Variants in PLEKHG5 observed in about 807,000 individuals in gnomAD.
PLEKHG5 encodes pleckstrin homology domain-containing family G member 5.
In PLEKHG5, 52 loss-of-function variants were observed where a neutral mutation model predicts 103.8. The ratio of observed to expected loss-of-function variants is 0.50; its 90% confidence interval spans 0.40 to 0.63. PLEKHG5 has a LOEUF of 0.63. Among genes scored for constraint, PLEKHG5 ranks in the 30% least tolerant of loss-of-function variants. The pLI, the probability that PLEKHG5 is intolerant of heterozygous loss-of-function variation, is 0.00. For missense variants in PLEKHG5, 1,205 were observed against 1,347.6 expected, an observed-to-expected ratio of 0.89 and a Z score of 1.66; for synonymous variants, 592 against 575.5, an observed-to-expected ratio of 1.03 and a Z score of -0.41.
intron 1 of PLEKHG5, among the ~76,000 whole-genome samples, chr1:6,483,799 G>C (rs906617112): frequency 6.6e-6 from 1 of 152,258 alleles, no homozygotes; most frequent in African/African-American, 2.4e-5. Flanking sequence ...CCAAGCTTCA[G>C]GTGTCTCCTC....
Position 6,501,798 on chromosome 1 carries a change from C to G in PLEKHG5, c.-164-5229G>C, listed in dbSNP as rs983701368. On this transcript the variant is annotated intron_variant, in intron 1 of 21. Coordinates refer to the PLEKHG5 transcript ENST00000377740. This position sits in a 1 kb window ranked among gnomAD's most constrained non-coding sequence, Gnocchi z 4.3. ...CTGTCTGGAAAACGTGAATTGGTCCCCCCATCATGACATGAGTGTCCCCTT... is the reference window on the plus strand; with the variant it reads ...CTGTCTGGAAAACGTGAATTGGTCCGCCCATCATGACATGAGTGTCCCCTT... Among the ~76,000 whole-genome samples the G allele has an allele frequency of 6.6e-6, 1 of 152,190 alleles. No individual in the cohort carries two copies. Among genetic ancestry groups the G allele is most frequent in the Non-Finnish European group, 1.5e-5 (1 of 68,036 alleles).
At position 6,475,989 on chromosome 1, in the gene PLEKHG5, T is replaced by C. The variant is rs1644755304; in HGVS notation, c.91A>G (p.Thr31Ala). The C allele has an allele frequency of 6.2e-7, 1 of 1,613,816 alleles. No homozygotes were observed. The highest frequency in any genetic ancestry group is 8.5e-7 in the Non-Finnish European group (1 of 1,180,022). ...NVSTRSCPPR[T>A]SPAVDLEEEE... ...TCCTCCAAGTCCACTGCGGGGCTGG[T>C]GCGCGGCGGGCATGACCGGGTGGAC... The change falls in exon 3 of 21, where the codon ACC (threonine) becomes GCC (alanine). Residue 31 changes from threonine to alanine, a missense_variant. Physicochemically the swap from Thr to Ala is moderately conservative, Grantham distance 58 (BLOSUM62 0). Transcript: ENST00000377728.
Position 6,472,551 on chromosome 1 carries a change from G to T in PLEKHG5, c.1056C>A (p.Ile352=). ...WELLHTEASY[I]RKLRVIINLF... is the part of the protein sequence containing the mutation. ...CGTTGATGATCACCCGCAGTTTCCT[G>T]ATGTAGGAGGCCTCCGTGTGCAGCA... The change falls in exon 10 of 21, where the codon ATC becomes ATA. Residue 352 remains isoleucine, a synonymous_variant. Coordinates refer to ENST00000377728, the MANE Select transcript of PLEKHG5 (RefSeq NM_020631.6). 4 of 1,613,394 alleles carry T rather than the reference G, an allele frequency of 2.5e-6. No individual in the cohort carries two copies. Among genetic ancestry groups the T allele is most frequent in the Non-Finnish European group, 3.4e-6 (4 of 1,179,580 alleles).
Position 6,474,479 on chromosome 1 carries a change from C to A in PLEKHG5, c.411G>T (p.Arg137Ser), listed in dbSNP as rs762546636. The change falls in exon 6 of 21, where the codon AGG becomes AGT. Residue 137 changes from arginine (R) to serine (S), a missense_variant. Transcript: ENST00000377728. ...TGACACGAAGGTAGTGTCCCCCGAA[C>A]CTGTAGGCCTCGAAGGTGAGGGACA... Reference protein sequence around the residue: ...TPLSLTFEAYRFGGHYLRVKA... With the variant: ...TPLSLTFEAYSFGGHYLRVKA... The A allele has an allele frequency of 2.8e-5, 45 of 1,613,868 alleles. No homozygotes were observed. The highest frequency in any genetic ancestry group is 3.8e-5 in the Non-Finnish European group (45 of 1,180,030).
chr1:6,485,527 C>T, intron 1 of PLEKHG5: 1 of 1,215,116 alleles, frequency 8.2e-7, no homozygotes, highest in East Asian at 3.3e-5. Context: ...GCCGCGCCCG[C>T]CCCCGCCGAG....
intron 1 of PLEKHG5, chr1:6,485,548 C>A: frequency 9.1e-7 from 1 of 1,103,490 alleles, no homozygotes; most frequent in Non-Finnish European, 1.1e-6. Flanking sequence ...CGCGGGGACC[C>A]CGGGGAGGGC....
chr1:6,511,833 G>C (rs1325991458), intron 1 of PLEKHG5, among the ~76,000 whole-genome samples: 1 of 152,220 alleles, frequency 6.6e-6, no homozygotes, highest in Non-Finnish European at 1.5e-5. Flanking sequence ...GGCCTGAATA[G>C]AGGAAGGGGG....
rs781691343 is a variant in PLEKHG5 at position 6,468,481 on chromosome 1, A to T, written c.2355T>A (p.Asp785Glu). ...FDSGPFSSQS[D>E]ETSLSTTASS... ...AGGCAGTGGTGCTGAGAGAGGTCTC[A>T]TCAGACTGGGAGCTGAAAGGACCGC... Residue 785 changes from aspartate to glutamate, a missense_variant, in exon 20 of 21, where the codon GAT becomes GAA. Physicochemically the swap from Asp to Glu is conservative, Grantham distance 45. Transcript: ENST00000377728. 3 of 1,612,944 alleles carry T rather than the reference A, an allele frequency of 1.9e-6. No homozygotes were observed. Among genetic ancestry groups the T allele is most frequent in the East Asian group, 4.5e-5 (2 of 44,862 alleles).
At position 6,473,472 on chromosome 1, in the gene PLEKHG5, G is replaced by A; in HGVS notation, c.592-18C>T. 1.3e-6 allele frequency: 2 copies of A among 1,507,230 alleles called. No individual in the cohort carries two copies. Among genetic ancestry groups the A allele is most frequent in the Non-Finnish European group, 1.8e-6 (2 of 1,128,656 alleles). The allele number at this position is 1,507,230 out of a possible 1,614,324, so 93.4% of individuals were successfully genotyped here. On this transcript the variant is annotated intron_variant, in intron 7 of 20. Transcript: ENST00000377728. ...CCAGGGGCCTGGTCAGGGAAGGGTGGTCAGGGCCGGGACCCCCTGCCAGCC... is the reference window on the plus strand; with the variant it reads ...CCAGGGGCCTGGTCAGGGAAGGGTGATCAGGGCCGGGACCCCCTGCCAGCC...
chr1:6,477,528 C>T lies in PLEKHG5; in HGVS notation c.43+1G>A, dbSNP rs1440701742. ...GAGCTGCGGCTCCCGCCTGTGCTCA[C>T]CTTGTGGGGGAAGGTCGAAGCGGAC... On this transcript the variant is annotated splice_donor_variant, in intron 2 of 20. Transcript: ENST00000377728. LOFTEE classifies it high-confidence loss of function. 1 of 1,611,546 alleles carries T rather than the reference C, an allele frequency of 6.2e-7. No homozygotes were observed. Among genetic ancestry groups the T allele is most frequent in the Non-Finnish European group, 8.5e-7 (1 of 1,179,962 alleles).
At chr1:6,477,447 C>G in intron 2 of PLEKHG5, 82 bp downstream of exon 2, 1 of 1,383,334 alleles carries the variant, frequency 7.2e-7, no homozygotes, top group Non-Finnish European at 1.0e-6. Context: ...GTCCTTATGA[C>G]GCCCTAGCAC....
intron 4 of PLEKHG5, 134 bp from the exon 5 acceptor site, chr1:6,475,272 TCCTCCCCAC>T (rs1219921437): frequency 3.2e-5 from 15 of 466,866 alleles, no homozygotes; most frequent in African/African-American, 6.0e-5. Flanking sequence ...TTCCCAACCC[TCCTCCCCAC>T]CCTCCCCACC....
chr1:6,495,874 C>T (rs1371187387), upstream of PLEKHG5, among the ~76,000 whole-genome samples: 36 of 152,332 alleles, frequency 2.4e-4, no homozygotes, highest in Non-Finnish European at 5.9e-5. Flanking sequence ...GCACAGAAAG[C>T]GGGTGGCACT....
chr1:6,516,204 T>C lies in PLEKHG5; in HGVS notation c.-165+3241A>G, dbSNP rs139821273. Among the ~76,000 whole-genome samples the C allele has an allele frequency of 5.3e-4, 81 of 152,276 alleles. 1 individual carries two copies. The highest frequency in any genetic ancestry group is 1.8e-3 in the African/African-American group (76 of 41,554). ...CAGGAGGCTGAGGCAGGAGGATTGC[T>C]TGAGCCCAGGACTTTCAGAGACCAG... On this transcript the variant is annotated intron_variant, in intron 1 of 21. Transcript: ENST00000377740.
In PLEKHG5 at chr1:6,489,963, G is replaced by A. The variant is rs1645116379; in HGVS notation, c.-88+1674C>T. On this transcript the variant is annotated intron_variant, in intron 1 of 20. Coordinates refer to ENST00000377728, the MANE Select transcript of PLEKHG5 (RefSeq NM_020631.6). Reference sequence around the variant, plus strand: ...ACCAAGGCAGGCCAGGGCCTCCCCGGATTCACGGGTCTCCCGCATCCCCCA... The same window carrying A: ...ACCAAGGCAGGCCAGGGCCTCCCCGAATTCACGGGTCTCCCGCATCCCCCA... Among the ~76,000 whole-genome samples the A allele has an allele frequency of 2.0e-5, 3 of 152,328 alleles. No individual in the cohort carries two copies. The South Asian group carries it at 6.2e-4, about 32-fold the overall frequency.
chr1:6,517,255 C>T (rs112862791), intron 1 of PLEKHG5, among the ~76,000 whole-genome samples: 6,087 of 147,590 alleles, frequency 0.041, 395 homozygotes, highest in African/African-American at 0.13. Context: ...TACAGTGAGC[C>T]GAGATCGCGC....
chr1:6,478,737 G>A (rs1377809654), intron 1 of PLEKHG5, among the ~76,000 whole-genome samples: 3 of 151,762 alleles, frequency 2.0e-5, no homozygotes, highest in Admixed American at 6.6e-5. Flanking sequence ...TCCGCCTCCC[G>A]GGTTCAAGTG....
At position 6,473,464 on chromosome 1, in the gene PLEKHG5, G is replaced by A. The variant is rs771122702; in HGVS notation, c.592-10C>T. 5 of 1,518,668 alleles carry A rather than the reference G, an allele frequency of 3.3e-6. No individual in the cohort carries two copies. The South Asian group carries it at 6.2e-5, about 19-fold the overall frequency. The allele number at this position is 1,518,668 out of a possible 1,614,324, so 94.1% of individuals were successfully genotyped here. A position where few individuals can be genotyped will look rare whatever the true frequency, so the allele number is the denominator to read the frequency against. ...GGCGGCGGCCAGGGGCCTGGTCAGG[G>A]AAGGGTGGTCAGGGCCGGGACCCCC... is the stretch of plus-strand genomic sequence containing the variant. On this transcript the variant is annotated splice_polypyrimidine_tract_variant and intron_variant, in intron 7 of 20. Coordinates refer to ENST00000377728, the MANE Select transcript of PLEKHG5 (RefSeq NM_020631.6).
intron 1 of PLEKHG5, among the ~76,000 whole-genome samples, chr1:6,481,554 AATAAATAAATATAT>A (rs1644901946): frequency 7.0e-6 from 1 of 143,434 alleles, no homozygotes; most frequent in South Asian, 2.2e-4. Context: ...TAAATAAATA[AATAAATAAATATAT>A]AAGTAAATAA....
Sources: gnomAD v4.1 joint callset for allele counts (sites outside exome capture counted in the v4.1 genomes callset) on GRCh38, gnomAD v4.1.1 for gene constraint, Gnocchi (gnomAD v3.1) non-coding constraint, MANE v1.5 for transcripts, NCBI Gene and HGNC (gene_info 2026-07-23, HGNC 2026-07-21) for gene names.